HCRTR2: variants seen among roughly 807,000 people sequenced by gnomAD.
HCRTR2 encodes hypocretin receptor 2.
HCRTR2 carries 22 observed loss-of-function variants against 49.0 expected under a neutral mutation model. The ratio of observed to expected loss-of-function variants is 0.45; its 90% CI spans 0.32 to 0.64. HCRTR2 has a LOEUF of 0.64. HCRTR2 is among the 30% of genes least tolerant of loss of function. The pLI is 0.04. For synonymous variants in HCRTR2, 236 were observed against 205.3 expected (o/e 1.15, Z -1.28); for missense variants, 491 against 559.4 (o/e 0.88, Z 1.23).
intron 1 of HCRTR2, among the ~76,000 whole-genome samples, chr6:55,209,619 C>CA (rs1360321735): frequency 6.6e-6 from 1 of 152,120 alleles, no homozygotes; most frequent in Non-Finnish European, 1.5e-5. Context: ...GGCTTAGTTA[C>CA]AAAAACTTGA....
chr6:55,213,166 G>A (rs1253786796), intron 1 of HCRTR2, among the ~76,000 whole-genome samples: 1 of 152,104 alleles, frequency 6.6e-6, no homozygotes, highest in Non-Finnish European at 1.5e-5. Flanking sequence ...GAAAGCAAAT[G>A]CCTAAGGTGT....
chr6:55,195,729 T>C (rs553863115), intron 1 of HCRTR2, among the ~76,000 whole-genome samples: 11 of 152,272 alleles, frequency 7.2e-5, no homozygotes, highest in African/African-American at 2.6e-4. Context: ...CCCTGCACTT[T>C]GGGAGGTCGA....
chr6:55,169,296 G>A (rs750473160), intron 1 of HCRTR2, among the ~76,000 whole-genome samples: 7 of 151,886 alleles, frequency 4.6e-5, no homozygotes, highest in Non-Finnish European at 1.0e-4. Context: ...GAGGCAAGAT[G>A]GAACGGAGAG....
At chr6:55,191,808 T>C (rs1211385935) in intron 1 of HCRTR2, among the ~76,000 whole-genome samples, 2 of 152,054 alleles carry the variant, frequency 1.3e-5, no homozygotes, top group African/African-American at 4.8e-5. Flanking sequence ...TAATCCTCTA[T>C]ATAGAAATGA....
chr6:55,218,373 T>C (rs570502062), intron 1 of HCRTR2, among the ~76,000 whole-genome samples: 1 of 152,266 alleles, frequency 6.6e-6, no homozygotes, highest in South Asian at 2.1e-4. Context: ...ATATGATATA[T>C]AGAAAACAAT....
At chr6:55,206,959 C>T (rs908157253) in intron 1 of HCRTR2, among the ~76,000 whole-genome samples, 1 of 151,938 alleles carries the variant, frequency 6.6e-6, no homozygotes, top group Non-Finnish European at 1.5e-5. Context: ...CATTATATTC[C>T]TCTCTTTACA....
At chr6:55,121,334 G>A (rs149438985) in intron 1 of HCRTR2, among the ~76,000 whole-genome samples, 1,727 of 152,172 alleles carry the variant, frequency 0.011, 38 homozygotes, top group African/African-American at 0.039. Context: ...TGTATCCTGA[G>A]ATTTTGCTGA....
intron 2 of HCRTR2, among the ~76,000 whole-genome samples, chr6:55,253,008 G>A (rs751753487): frequency 6.6e-5 from 10 of 151,914 alleles, no homozygotes; most frequent in Non-Finnish European, 1.2e-4. Flanking sequence ...ACATTTTACA[G>A]ATGAGAAAAC....
intron 1 of HCRTR2, among the ~76,000 whole-genome samples, chr6:55,245,653 T>C (rs982759306): frequency 1.3e-5 from 2 of 151,346 alleles, no homozygotes; most frequent in African/African-American, 2.4e-5. Context: ...TATGGATAGC[T>C]CACTTAGAGC....
At chr6:55,108,245 G>A (rs971498022) in intron 1 of HCRTR2, among the ~76,000 whole-genome samples, 1 of 152,082 alleles carries the variant, frequency 6.6e-6, no homozygotes, top group African/African-American at 2.4e-5. Flanking sequence ...TGGTGGATAG[G>A]AGGTAGGACT....
chr6:55,133,651 TATCTATCTATC>T (rs1056660457), intron 1 of HCRTR2, among the ~76,000 whole-genome samples: 1 of 138,896 alleles, frequency 7.2e-6, no homozygotes, highest in Non-Finnish European at 1.6e-5. Context: ...TGTATTTATC[TATCTATCTATC>T]ATCTATCTAT....
chr6:55,242,184 A>G (rs1766349158), intron 1 of HCRTR2, among the ~76,000 whole-genome samples: 1 of 152,118 alleles, frequency 6.6e-6, no homozygotes, highest in Non-Finnish European at 1.5e-5. Context: ...ACTAATTTTT[A>G]AAATTGTGGT....
At chr6:55,195,627 G>T (rs1468068612) in intron 1 of HCRTR2, among the ~76,000 whole-genome samples, 2 of 152,196 alleles carry the variant, frequency 1.3e-5, no homozygotes, top group Non-Finnish European at 1.5e-5. Context: ...TGAGGAAATG[G>T]ATATCCCAAT....
intron 1 of HCRTR2, among the ~76,000 whole-genome samples, chr6:55,236,865 A>AATG (rs1266650102): frequency 4.6e-5 from 7 of 152,086 alleles, no homozygotes; most frequent in African/African-American, 1.7e-4. Context: ...ATTCTTAGAT[A>AATG]ATGTATTTGC....
intron 1 of HCRTR2, among the ~76,000 whole-genome samples, chr6:55,198,564 T>G (rs1223666949): frequency 6.6e-6 from 1 of 152,202 alleles, no homozygotes; most frequent in Non-Finnish European, 1.5e-5. Context: ...ACTAGTGTTC[T>G]GGGTGTCATT....
chr6:55,269,035 A>C (rs1766918333), intron 4 of HCRTR2, among the ~76,000 whole-genome samples: 1 of 150,928 alleles, frequency 6.6e-6, no homozygotes, highest in African/African-American at 2.4e-5. Context: ...GCCTGCAGTG[A>C]ACAGAGATCG....
intron 1 of HCRTR2, among the ~76,000 whole-genome samples, chr6:55,168,950 C>G (rs1764912972): frequency 6.6e-6 from 1 of 151,998 alleles, no homozygotes; most frequent in South Asian, 2.1e-4. Context: ...CTGGCACCAA[C>G]TCCCTCTCTC....
At chr6:55,229,341 T>A (rs1052490240) in intron 1 of HCRTR2, among the ~76,000 whole-genome samples, 8 of 152,168 alleles carry the variant, frequency 5.3e-5, no homozygotes, top group African/African-American at 1.9e-4. Context: ...AATATTTTTA[T>A]TTTCCTCAAA....
chr6:55,122,195 G>A lies in HCRTR2; in HGVS notation c.-378+15650G>A, dbSNP rs550364115. Among the ~76,000 whole-genome samples, 46 of 152,098 alleles carry A rather than the reference G, an allele frequency of 3.0e-4. 1 individual carries two copies. The highest frequency in any genetic ancestry group is 2.1e-4 in the South Asian group (1 of 4,812). On this transcript the variant is annotated intron_variant, in intron 1 of 7. Coordinates refer to the HCRTR2 transcript ENST00000615358. The stretch of plus-strand genomic sequence containing the variant: ...CTTCTTCCTGGTTTAGTCTTGGGAG[G>A]GTGTATGTGTCGAGGAATTTATCCA...
Sources: allele counts gnomAD v4.1 joint callset (sites outside exome capture counted in the v4.1 genomes callset), GRCh38; gene constraint gnomAD v4.1.1; transcripts MANE v1.5; gene names NCBI Gene and HGNC (gene_info 2026-07-23, HGNC 2026-07-21).